ZCRB1: variants seen among roughly 807,000 people sequenced by gnomAD.
ZCRB1 encodes the protein zinc finger CCHC-type and RNA-binding motif-containing protein 1.
In ZCRB1, 21 loss-of-function variants were observed where a neutral mutation model predicts 29.9. The ratio of observed to expected loss-of-function variants is 0.70; its 90% CI spans 0.50 to 1.01. The LOEUF (loss-of-function observed/expected upper bound fraction) is 1.01. Among genes scored for constraint, ZCRB1 ranks in the 50% least tolerant of loss-of-function variants. The probability of loss-of-function intolerance (pLI) is 0.00; values close to 1 mark genes in which losing one functional copy is unlikely to be tolerated. For synonymous variants in ZCRB1, 77 were observed against 80.0 expected, an observed-to-expected ratio of 0.96 and a Z score of 0.20; for missense variants, 204 against 253.3, an observed-to-expected ratio of 0.81 and a Z score of 1.32.
chr12:42,321,419 T>C (rs1409653514), intron 3 of ZCRB1, among the ~76,000 whole-genome samples: 1 of 152,212 alleles, frequency 6.6e-6, no homozygotes, highest in Non-Finnish European at 1.5e-5. Context: ...ATGATAATAG[T>C]ACCTACCTTA....
At chr12:42,319,883 C>T (rs544348840) in intron 3 of ZCRB1, among the ~76,000 whole-genome samples, 2 of 152,174 alleles carry the variant, frequency 1.3e-5, no homozygotes, top group African/African-American at 2.4e-5. Flanking sequence ...TTCATTCATT[C>T]GGTCACTCAG....
intron 7 of ZCRB1, among the ~76,000 whole-genome samples, 180 bp from the exon 8 acceptor site, chr12:42,313,378 A>G (rs2068578671): frequency 6.6e-6 from 1 of 152,072 alleles, no homozygotes; most frequent in South Asian, 2.1e-4. Flanking sequence ...TCTTACACAA[A>G]ATTATCCTAG....
chr12:42,319,387 T>C (rs1189741015), intron 3 of ZCRB1, among the ~76,000 whole-genome samples: 1 of 152,198 alleles, frequency 6.6e-6, no homozygotes, highest in Non-Finnish European at 1.5e-5. Flanking sequence ...TTCTGTAAGT[T>C]GCCTATTCTT....
chr12:42,313,397 T>C (rs1035278732), intron 7 of ZCRB1, among the ~76,000 whole-genome samples, 199 bp from the exon 8 acceptor site: 3 of 152,182 alleles, frequency 2.0e-5, no homozygotes, highest in Non-Finnish European at 4.4e-5. Flanking sequence ...AGGCAATTTC[T>C]TAAAAAAATC....
chr12:42,321,760 T>C (rs554253271), intron 3 of ZCRB1, among the ~76,000 whole-genome samples: 2 of 152,372 alleles, frequency 1.3e-5, no homozygotes, highest in Non-Finnish European at 2.9e-5. Flanking sequence ...TCAGAATCTA[T>C]ATTGGTTACA....
At chr12:42,322,576 GC>G (rs1263032829) in intron 2 of ZCRB1, 130 bp from the exon 3 acceptor site, 1 of 994,216 alleles carries the variant, frequency 1.0e-6, no homozygotes, top group Non-Finnish European at 1.4e-6. Flanking sequence ...TATAAGACAG[GC>G]CCTAGGAAAA....
intron 3 of ZCRB1, among the ~76,000 whole-genome samples, chr12:42,320,636 T>TG: frequency 6.6e-6 from 1 of 152,042 alleles, no homozygotes; most frequent in Non-Finnish European, 1.5e-5. Context: ...TTTGTAGAGA[T>TG]GGGGTTTCTC....
At chr12:42,317,752 G>C (rs1018362780) in intron 4 of ZCRB1, 35 bp downstream of exon 4, 1 of 1,588,700 alleles carries the variant, frequency 6.3e-7, no homozygotes, top group Admixed American at 1.7e-5. Context: ...TAAAGGCTTT[G>C]GGGCTAAAAA....
Position 42,315,720 on chromosome 12 carries a change from A to AT in ZCRB1, c.333+1619_333+1620insA, listed in dbSNP as rs973267748. Among the ~76,000 whole-genome samples the AT allele has an allele frequency of 4.6e-5, 7 of 152,338 alleles. No individual in the cohort carries two copies. The East Asian group carries it at 7.7e-4, about 17-fold the overall frequency. On this transcript the variant is annotated intron_variant, in intron 5 of 7. Transcript: ENST00000266529. The stretch of plus-strand genomic sequence containing the variant: ...GGATTTCTCAGATAATTTAATATTT[A>AT]CTGTGAATATGAAGATATATACTAA...
At chr12:42,319,071 T>C (rs2068608697) in intron 3 of ZCRB1, among the ~76,000 whole-genome samples, 1 of 152,088 alleles carries the variant, frequency 6.6e-6, no homozygotes, top group South Asian at 2.1e-4. Context: ...TTGAATAAGG[T>C]AGTTGCTTTA....
At chr12:42,324,158 TG>T (rs201558810) in intron 1 of ZCRB1, 54 bp from the exon 2 acceptor site, 3,679 of 1,401,008 alleles carry the variant, frequency 2.6e-3, no homozygotes, top group Admixed American at 3.9e-3. Context: ...ATTCTTTTTT[TG>T]TTGTTTGAGA....
intron 1 of ZCRB1, 73 bp from the exon 2 acceptor site, chr12:42,324,177 T>C (rs2068638650): frequency 7.1e-7 from 1 of 1,404,870 alleles, no homozygotes; most frequent in African/African-American, 1.4e-5. Context: ...AGACGGAGTT[T>C]CCCTCTTGTT....
intron 1 of ZCRB1, among the ~76,000 whole-genome samples, chr12:42,325,195 T>C (rs2068682974): frequency 6.6e-6 from 1 of 152,240 alleles, no homozygotes; most frequent in African/African-American, 2.4e-5. Context: ...TGGTTTGTTG[T>C]TAATCAAAAA....
intron 7 of ZCRB1, 49 bp from the exon 8 acceptor site, chr12:42,313,247 T>C: frequency 6.4e-7 from 1 of 1,560,554 alleles, no homozygotes; most frequent in Middle Eastern, 1.7e-4. Flanking sequence ...TAATATTATT[T>C]ATGGTTCATT....
intron 7 of ZCRB1, 32 bp downstream of exon 7, chr12:42,313,658 G>T: frequency 6.2e-7 from 1 of 1,605,314 alleles, no homozygotes; most frequent in South Asian, 1.1e-5. Context: ...GTCAACTATT[G>T]TATGATGCCT....
rs530435864 is a variant in ZCRB1, at chr12:42,312,442, A to G, written c.*625T>C. On this transcript the variant is annotated 3_prime_UTR_variant, in exon 8 of 8. Transcript: ENST00000266529. ...AAAAAGATATATATGGATTCCCCCAAATTTTTAATACAGCCACATTGGGAA... is the reference window on the plus strand; with the variant it reads ...AAAAAGATATATATGGATTCCCCCAGATTTTTAATACAGCCACATTGGGAA... The G allele has an allele frequency of 3.7e-4, 57 of 152,322 alleles. No homozygotes were observed. The East Asian group carries it at 0.01, about 28-fold the overall frequency. The allele number at this position is 152,322 out of a possible 1,614,324, so 9.4% of individuals were successfully genotyped here.
intron 4 of ZCRB1, 108 bp downstream of exon 4, chr12:42,317,679 T>G: frequency 2.1e-6 from 2 of 957,404 alleles, no homozygotes; most frequent in South Asian, 1.6e-5. Flanking sequence ...ATCTTAAGAA[T>G]CTACTGATAT....
rs1291810647 is a variant in ZCRB1 at position 42,324,096 on chromosome 12, C to T, written c.7G>A (p.Gly3Ser). ...GTGCTCTTACTTGGAGCCAATCCAC[C>T]ACTCATTTCTAAAAGTGAAAACAAA... MS[G>S]GLAPSKSTVY... Residue 3 changes from glycine to serine, a missense_variant, in exon 2 of 8, where the codon GGT becomes AGT. By Grantham distance (56) the Gly-to-Ser change is moderately conservative. Coordinates refer to ENST00000266529, the MANE Select transcript of ZCRB1 (RefSeq NM_033114.4). The T allele has an allele frequency of 3.1e-6, 5 of 1,614,042 alleles. No individual in the cohort carries two copies. In the Admixed American group the frequency reaches 6.7e-5, roughly 22 times the overall value.
rs747573282 is a variant in ZCRB1 at position 42,317,467 on chromosome 12, A to G, written c.226-20T>C. 4 of 1,533,836 alleles carry G rather than the reference A, an allele frequency of 2.6e-6. No individual in the cohort carries two copies. The highest frequency in any genetic ancestry group is 3.6e-6 in the Non-Finnish European group (4 of 1,124,288). ...AAATAACTAAACAAGAGAAAAATGT[A>G]AATGTAGAATGTATTTCACTGAAAC... On this transcript the variant is annotated intron_variant, in intron 4 of 7. Coordinates refer to ENST00000266529, the MANE Select transcript of ZCRB1 (RefSeq NM_033114.4).
Sources: allele counts gnomAD v4.1 joint callset (sites outside exome capture counted in the v4.1 genomes callset), GRCh38; gene constraint gnomAD v4.1.1; transcripts MANE v1.5; gene names NCBI Gene and HGNC (gene_info 2026-07-23, HGNC 2026-07-21).